Variants in AURKC observed in about 807,000 individuals in gnomAD.
AURKC encodes the protein ARK-3.
Under a neutral mutation model 29.2 loss-of-function variants are expected in AURKC, and 15 were observed. The observed-to-expected ratio is 0.51, with a 90% confidence interval of 0.34 to 0.79. The LOEUF (loss-of-function observed/expected upper bound fraction) is 0.79, where lower values mean the gene tolerates loss of function less well. Ranked by LOEUF, AURKC falls within the 30% of genes least tolerant of loss-of-function variation. The pLI is 0.01. For missense variants in AURKC, 332 were observed against 383.2 expected, an observed-to-expected ratio of 0.87 and a Z score of 1.12; for synonymous variants, 150 against 149.9, an observed-to-expected ratio of 1.00 and a Z score of -0.01.
rs2087537126 is a variant in AURKC, at chr19:57,235,407, T to C, written c.920T>C (p.Met307Thr). 6.2e-7 allele frequency: 1 copy of C among 1,613,710 alleles called. No individual in the cohort carries two copies. The highest frequency in any genetic ancestry group is 8.5e-7 in the Non-Finnish European group (1 of 1,180,042). Residue 307 changes from methionine to threonine, a missense_variant, in exon 7 of 7, where the codon ATG becomes ACG. By Grantham distance (81) the Met-to-Thr change is moderately conservative. Coordinates refer to ENST00000302804, the MANE Select transcript of AURKC (RefSeq NM_001015878.2). ...AGGGTGCTGCCTCCCTGTGCTCAGA[T>C]GGCTTCCTGAGCCCTGTCTGCCTCT... ...SRRVLPPCAQ[M>T]AS
chr19:57,233,469 G>A lies in AURKC; in HGVS notation c.445G>A (p.Glu149Lys). The A allele has an allele frequency of 6.2e-7, 1 of 1,614,186 alleles. No individual in the cohort carries two copies. The highest frequency in any genetic ancestry group is 1.1e-5 in the South Asian group (1 of 91,088). The part of the protein sequence containing the change: ...DEQRTATIIE[E>K]LADALTYCHD... ...TTCTTTGCACCCACAGATAATAGAG[G>A]AGTTGGCAGATGCCCTGACCTACTG... Residue 149 changes from glutamate (E) to lysine (K), a missense_variant, in exon 5 of 7, where the codon GAG (glutamate) becomes AAG (lysine). Transcript: ENST00000302804.
In AURKC at chr19:57,233,557, G is replaced by C; in HGVS notation, c.533G>C (p.Gly178Ala). 1 of 1,614,152 alleles carries C rather than the reference G, an allele frequency of 6.2e-7. No individual in the cohort carries two copies. The highest frequency in any genetic ancestry group is 1.7e-5 in the Admixed American group (1 of 60,024). The change falls in exon 5 of 7, where the codon GGT (glycine) becomes GCT (alanine). Residue 178 changes from glycine to alanine, a missense_variant. Gly to Ala is a moderately conservative substitution (Grantham distance 60, BLOSUM62 0). Coordinates refer to ENST00000302804, the MANE Select transcript of AURKC (RefSeq NM_001015878.2). The stretch of plus-strand genomic sequence containing the variant: ...GAGAACCTGCTGCTGGGGTTCAGGG[G>C]TGAGGTGAAGATTGCAGATTTTGGC... ...KPENLLLGFR[G>A]EVKIADFGWS...
rs1191923301 is a variant in AURKC, at chr19:57,231,037, G to A, written c.-212G>A. 12 of 1,161,862 alleles carry A rather than the reference G, an allele frequency of 1.0e-5. No individual in the cohort carries two copies. Among genetic ancestry groups the A allele is most frequent in the Admixed American group, 2.0e-5 (1 of 49,830 alleles). The allele number at this position is 1,161,862 out of a possible 1,614,324, so 72.0% of individuals were successfully genotyped here. The stretch of plus-strand genomic sequence containing the variant: ...AGTACCTCTCTGAGCGGTTGGTGCC[G>A]GGTATAAAAGAAGGCCGCGCAGCCA... On this transcript the variant is annotated 5_prime_UTR_variant, in exon 1 of 7. Coordinates refer to ENST00000302804, the MANE Select transcript of AURKC (RefSeq NM_001015878.2).
chr19:57,233,449 T>C lies in AURKC; in HGVS notation c.436-11T>C. 6.2e-7 allele frequency: 1 copy of C among 1,614,176 alleles called. No individual in the cohort carries two copies. Among genetic ancestry groups the C allele is most frequent in the South Asian group, 1.1e-5 (1 of 91,082 alleles). On this transcript the variant is annotated splice_polypyrimidine_tract_variant and intron_variant, in intron 4 of 6. Coordinates refer to ENST00000302804, the MANE Select transcript of AURKC (RefSeq NM_001015878.2). Reference sequence around the variant, plus strand: ...CTTCACTTCCAGGGTGACTTTTCTTTGCACCCACAGATAATAGAGGAGTTG... The same window carrying C: ...CTTCACTTCCAGGGTGACTTTTCTTCGCACCCACAGATAATAGAGGAGTTG...
Position 57,235,360 on chromosome 19 carries a change from C to T in AURKC, c.873C>T (p.Pro291=). 4 of 1,614,170 alleles carry T rather than the reference C, an allele frequency of 2.5e-6. No homozygotes were observed. The highest frequency in any genetic ancestry group is 1.3e-5 in the African/African-American group (1 of 75,036). ...RLPLAQILKH[P]WVQAHSRRVL... ...CCCTGGCCCAGATCCTGAAGCACCC[C>T]TGGGTTCAGGCCCACTCCCGAAGGG... Residue 291 remains proline, a synonymous_variant, in exon 7 of 7, where the codon CCC becomes CCT. Transcript: ENST00000302804.
chr19:57,233,492 C>T lies in AURKC; in HGVS notation c.468C>T (p.Tyr156=). ...AGGAGTTGGCAGATGCCCTGACCTA[C>T]TGCCATGACAAGAAAGTGATTCACA... ...IIEELADALT[Y]CHDKKVIHRD... The change falls in exon 5 of 7, where the codon TAC becomes TAT. Residue 156 remains tyrosine, a synonymous_variant. Transcript: ENST00000302804. 6.2e-7 allele frequency: 1 copy of T among 1,614,188 alleles called. No homozygotes were observed. The highest frequency in any genetic ancestry group is 8.5e-7 in the Non-Finnish European group (1 of 1,180,034).
rs763466275 is a variant in AURKC at position 57,235,029 on chromosome 19, C to T, written c.730C>T (p.His244Tyr). The T allele has an allele frequency of 6.2e-6, 10 of 1,614,046 alleles. No homozygotes were observed. The highest frequency in any genetic ancestry group is 4.0e-5 in the African/African-American group (3 of 74,922). ...VGYPPFESASHSETYRRILKV... is the reference protein window; with the variant it reads ...VGYPPFESASYSETYRRILKV... The stretch of plus-strand genomic sequence containing the variant: ...ATATCCACCCTTTGAGAGCGCCTCC[C>T]ACAGTGAGACTTACAGACGCATCCT... The change falls in exon 6 of 7, where the codon CAC becomes TAC. Residue 244 changes from histidine (H) to tyrosine (Y), a missense_variant. By Grantham distance (83) the His-to-Tyr change is moderately conservative. Coordinates refer to ENST00000302804, the MANE Select transcript of AURKC (RefSeq NM_001015878.2).
rs777273124 is a variant in AURKC at position 57,233,623 on chromosome 19, G to A, written c.584+15G>A. 5.0e-6 allele frequency: 8 copies of A among 1,613,302 alleles called. No homozygotes were observed. Among genetic ancestry groups the A allele is most frequent in the Non-Finnish European group, 6.8e-6 (8 of 1,179,972 alleles). ...CCCTCCCTGAGGTAGGTCAGGTGGTGGTGGTAGGGTGAGTTCTGAGTACCA... is the reference window on the plus strand; with the variant it reads ...CCCTCCCTGAGGTAGGTCAGGTGGTAGTGGTAGGGTGAGTTCTGAGTACCA... On this transcript the variant is annotated intron_variant, in intron 5 of 6. Coordinates refer to ENST00000302804, the MANE Select transcript of AURKC (RefSeq NM_001015878.2).
chr19:57,233,370 T>C (rs1486009654), intron 4 of AURKC, 90 bp from the exon 5 acceptor site: 1 of 1,585,190 alleles, frequency 6.3e-7, no homozygotes. Flanking sequence ...AAGATTCCAC[T>C]GTAATCATAC....
In AURKC at chr19:57,232,476, A is replaced by G; in HGVS notation, c.297-66A>G. On this transcript the variant is annotated intron_variant, in intron 3 of 6. Coordinates refer to ENST00000302804, the MANE Select transcript of AURKC (RefSeq NM_001015878.2). The surrounding 1 kb of genome is among the most constrained non-coding windows in gnomAD (Gnocchi z 4.5). ...TAATTTGCCACTTGTGTGACCAGGC[A>G]GTGACGGTGGCATCATATGATAGGC... is the stretch of plus-strand genomic sequence containing the variant. 3 of 1,610,892 alleles carry G rather than the reference A, an allele frequency of 1.9e-6. No homozygotes were observed. Among genetic ancestry groups the G allele is most frequent in the Non-Finnish European group, 2.5e-6 (3 of 1,178,094 alleles).
At position 57,232,448 on chromosome 19, in the gene AURKC, GCAT is replaced by G. The variant is rs1160176089; in HGVS notation, c.297-93_297-91del. On this transcript the variant is annotated intron_variant, in intron 3 of 6. Coordinates refer to ENST00000302804, the MANE Select transcript of AURKC (RefSeq NM_001015878.2). This position sits in a 1 kb window ranked among gnomAD's most constrained non-coding sequence, Gnocchi z 4.5. ...TAGGGCTGTTGTTATTCTGGTCCCA[GCAT>G]AATTTGCCACTTGTGTGACCAGGCA... The G allele has an allele frequency of 1.3e-6, 2 of 1,584,032 alleles. No homozygotes were observed. The highest frequency in any genetic ancestry group is 1.7e-6 in the Non-Finnish European group (2 of 1,157,010).
intron 1 of AURKC, 56 bp from the exon 2 acceptor site, chr19:57,231,686 C>T: frequency 6.2e-7 from 1 of 1,601,144 alleles, no homozygotes. Context: ...TCTTTCTCTC[C>T]CCTTCTCCTT....
At chr19:57,231,712 T>C in intron 1 of AURKC, 30 bp from the exon 2 acceptor site, 1 of 1,612,208 alleles carries the variant, frequency 6.2e-7, no homozygotes, top group East Asian at 2.2e-5. Context: ...CCCTCTCCCT[T>C]CCTATCTCCC....
intron 5 of AURKC, among the ~76,000 whole-genome samples, chr19:57,234,236 T>C (rs931899215): frequency 9.9e-5 from 15 of 151,554 alleles, no homozygotes; most frequent in Admixed American, 3.3e-4. Flanking sequence ...TTTGTATTTT[T>C]AGTAAAGACG....
At chr19:57,231,964 G>C (rs900660080) in intron 2 of AURKC, 69 bp from the exon 3 acceptor site, 1 of 1,604,170 alleles carries the variant, frequency 6.2e-7, no homozygotes, top group East Asian at 2.2e-5. Context: ...GGGGAGCATT[G>C]GCATCCCTGA....
Position 57,231,239 on chromosome 19 carries a change from T to C in AURKC, c.-10T>C, listed in dbSNP as rs1197089544. Reference sequence around the variant, plus strand: ...TCAGGAAGGCGTCCGCGCCCTCACCTCTTCTCCCCATGAGCTCCCCCAGAG... The same window carrying C: ...TCAGGAAGGCGTCCGCGCCCTCACCCCTTCTCCCCATGAGCTCCCCCAGAG... On this transcript the variant is annotated 5_prime_UTR_variant, in exon 1 of 7. Coordinates refer to ENST00000302804, the MANE Select transcript of AURKC (RefSeq NM_001015878.2). The C allele has an allele frequency of 6.4e-7, 1 of 1,551,540 alleles. No individual in the cohort carries two copies. The highest frequency in any genetic ancestry group is 8.7e-7 in the Non-Finnish European group (1 of 1,147,014).
intron 5 of AURKC, 143 bp downstream of exon 5, chr19:57,233,751 T>A (rs1480708766): frequency 8.3e-7 from 1 of 1,210,284 alleles, no homozygotes; most frequent in Non-Finnish European, 1.2e-6. Context: ...TTTCTTTTCT[T>A]TTCTTTTTTT....
In AURKC at chr19:57,232,522, T is replaced by G. The variant is rs1466984424; in HGVS notation, c.297-20T>G. 1 of 1,614,166 alleles carries G rather than the reference T, an allele frequency of 6.2e-7. No individual in the cohort carries two copies. The highest frequency in any genetic ancestry group is 8.5e-7 in the Non-Finnish European group (1 of 1,180,024). On this transcript the variant is annotated intron_variant, in intron 3 of 6. Transcript: ENST00000302804. This position sits in a 1 kb window ranked among gnomAD's most constrained non-coding sequence, Gnocchi z 4.5. ...TAGGCCTCAGGGAGAAATCTGACTC[T>G]TCCAACATTAATCCTTCAGACACCC...
At chr19:57,231,355 C>T (rs1313277304) in intron 1 of AURKC, 49 bp downstream of exon 1, 3 of 1,545,980 alleles carry the variant, frequency 1.9e-6, no homozygotes, top group Non-Finnish European at 1.7e-6. Context: ...GGGGACTGGG[C>T]CAGGGGTCGG....
Sources: gnomAD v4.1 joint callset for allele counts (sites outside exome capture counted in the v4.1 genomes callset) on GRCh38, gnomAD v4.1.1 for gene constraint, Gnocchi (gnomAD v3.1) non-coding constraint, MANE v1.5 for transcripts, NCBI Gene and HGNC (gene_info 2026-07-23, HGNC 2026-07-21) for gene names.